The following GPT2 variants were observed in gnomAD, a reference collection of about 807,000 sequenced individuals.
GPT2 encodes alanine aminotransferase 2.
Under a neutral mutation model 56.9 loss-of-function variants are expected in GPT2, and 30 were observed. The ratio of observed to expected loss-of-function variants is 0.53; its 90% confidence interval spans 0.39 to 0.72. The LOEUF (loss-of-function observed/expected upper bound fraction) is 0.72, where lower values mean the gene tolerates loss of function less well. Among genes scored for constraint, GPT2 ranks in the 30% least tolerant of loss-of-function variants. The pLI, the probability that GPT2 is intolerant of heterozygous loss-of-function variation, is 0.00. For missense variants in GPT2, 542 were observed against 703.4 expected, an observed-to-expected ratio of 0.77 and a Z score of 2.60; for synonymous variants, 271 against 283.1, an observed-to-expected ratio of 0.96 and a Z score of 0.43.
At chr16:46,885,263 G>T (rs1300518113) in intron 2 of GPT2, 1 of 1,145,786 alleles carries the variant, frequency 8.7e-7, no homozygotes, top group South Asian at 4.2e-5. Flanking sequence ...CCAAGGTCCA[G>T]TGGAGAGAGG....
At chr16:46,914,505 C>A (rs1428868896) in intron 6 of GPT2, among the ~76,000 whole-genome samples, 18 of 152,140 alleles carry the variant, frequency 1.2e-4, no homozygotes, top group Non-Finnish European at 4.4e-5. Context: ...CCACTGCACT[C>A]CAGCCTGGGT....
intron 9 of GPT2, among the ~76,000 whole-genome samples, chr16:46,922,902 G>A: frequency 6.6e-6 from 1 of 152,114 alleles, no homozygotes; most frequent in East Asian, 1.9e-4. Flanking sequence ...ACTGGTCCAG[G>A]CTCACTTCTT....
intron 2 of GPT2, among the ~76,000 whole-genome samples, chr16:46,886,285 A>G (rs561216180): frequency 1.3e-5 from 2 of 152,198 alleles, no homozygotes; most frequent in Non-Finnish European, 2.9e-5. Flanking sequence ...CCTCCCTGCT[A>G]AAACACAGCT....
At position 46,922,302 on chromosome 16, in the gene GPT2, G is replaced by A; in HGVS notation, c.1098G>A (p.Gln366=). 6.2e-7 allele frequency: 1 copy of A among 1,614,232 alleles called. No homozygotes were observed. The highest frequency in any genetic ancestry group is 1.1e-5 in the South Asian group (1 of 91,086). Residue 366 remains glutamine (Q), a synonymous_variant, in exon 9 of 12, where the codon CAG becomes CAA. Coordinates refer to ENST00000340124, the MANE Select transcript of GPT2 (RefSeq NM_133443.4). ...ACCTGCACCCTGAGATCAAGGGCCAGCTGGTGAAGCTGCTGTCGGTGCGCC... is the reference window on the plus strand; with the variant it reads ...ACCTGCACCCTGAGATCAAGGGCCAACTGGTGAAGCTGCTGTCGGTGCGCC... ...VINLHPEIKG[Q]LVKLLSVRLC... is the part of the protein sequence containing the mutation.
chr16:46,898,830 G>A (rs1421293184), intron 3 of GPT2, among the ~76,000 whole-genome samples: 4 of 149,398 alleles, frequency 2.7e-5, no homozygotes, highest in South Asian at 2.1e-4. Flanking sequence ...GATTACAGGC[G>A]TGAGCCACCA....
rs1369398035 is a variant in GPT2, at chr16:46,884,635, G to T, written c.-22-59G>T. On this transcript the variant is annotated intron_variant, in intron 1 of 11. Coordinates refer to ENST00000340124, the MANE Select transcript of GPT2 (RefSeq NM_133443.4). ...AGCCCTTGGCTGGGCTTGTGTGGGG[G>T]AGTGCTGCACGCCTGGGCAGTGCGC... 7 of 1,317,722 alleles carry T rather than the reference G, an allele frequency of 5.3e-6. No homozygotes were observed. The East Asian group carries it at 2.0e-4, about 38-fold the overall frequency. 81.6% of individuals were successfully genotyped at this position (1,317,722 alleles called of 1,614,324 possible). A position where few individuals can be genotyped will look rare whatever the true frequency, so the allele number is the denominator to read the frequency against.
Position 46,928,414 on chromosome 16 carries a change from G to C in GPT2, c.1482-493G>C, listed in dbSNP as rs186635785. Reference sequence around the variant, plus strand: ...CCAAGGTGAGCAGATCATGAGGTCAGGAGTTCGAGACCAGCCTGGTCAACA... The same window carrying C: ...CCAAGGTGAGCAGATCATGAGGTCACGAGTTCGAGACCAGCCTGGTCAACA... On this transcript the variant is annotated intron_variant, in intron 11 of 11. Transcript: ENST00000340124. 1.2e-4 allele frequency among the ~76,000 whole-genome samples: 19 copies of C among 152,186 alleles called. No individual in the cohort carries two copies. In the East Asian group the frequency reaches 2.5e-3, roughly 20 times the overall value.
intron 4 of GPT2, among the ~76,000 whole-genome samples, chr16:46,905,669 T>C (rs1960910464): frequency 6.6e-6 from 1 of 152,196 alleles, no homozygotes; most frequent in Non-Finnish European, 1.5e-5. Flanking sequence ...TTCCATTTTA[T>C]TTTCAAAAAC....
chr16:46,917,222 T>G (rs1339407746), intron 7 of GPT2, among the ~76,000 whole-genome samples: 1 of 152,160 alleles, frequency 6.6e-6, no homozygotes, highest in East Asian at 1.9e-4. Flanking sequence ...GGTTCCAGTA[T>G]GCAGATTGGC....
At chr16:46,926,008 T>G (rs1035938659) in intron 10 of GPT2, among the ~76,000 whole-genome samples, 1 of 150,566 alleles carries the variant, frequency 6.6e-6, no homozygotes, top group Non-Finnish European at 1.5e-5. Flanking sequence ...GCCTGCAGTG[T>G]AATCCCAGCT....
At chr16:46,918,569 C>A in intron 7 of GPT2, 52 bp from the exon 8 acceptor site, 1 of 1,599,256 alleles carries the variant, frequency 6.3e-7, no homozygotes, top group Non-Finnish European at 8.5e-7. Context: ...CCACACTGGG[C>A]AGCAGCCTCT....
chr16:46,915,676 AACACACCTATAC>A (rs1437404865), intron 6 of GPT2: 4 of 143,600 alleles, frequency 2.8e-5, no homozygotes, highest in Non-Finnish European at 6.1e-5. Flanking sequence ...GACACACCTC[AACACACCTATAC>A]ACACACCACA....
At position 46,929,062 on chromosome 16, in the gene GPT2, C is replaced by A; in HGVS notation, c.*65C>A. The A allele has an allele frequency of 7.7e-7, 1 of 1,296,204 alleles. No individual in the cohort carries two copies. Among genetic ancestry groups the A allele is most frequent in the Non-Finnish European group, 1.1e-6 (1 of 893,380 alleles). 80.3% of individuals were successfully genotyped at this position (1,296,204 alleles called of 1,614,324 possible). ...TCCTCCCAATGCCCGTCAGGCTGAA[C>A]TCGCCTCCCCCGTGACTCTGCCTCG... On this transcript the variant is annotated 3_prime_UTR_variant, in exon 12 of 12. Transcript: ENST00000340124.
chr16:46,903,938 T>C lies in GPT2; in HGVS notation c.443-2904T>C, dbSNP rs150906947. On this transcript the variant is annotated intron_variant, in intron 4 of 11. Transcript: ENST00000340124. The stretch of plus-strand genomic sequence containing the variant: ...GGGGCTCTAATGGAGAGGAAGAGCT[T>C]AAGGGGAAACGTGGCATTCACGCTC... 2.6e-4 allele frequency among the ~76,000 whole-genome samples: 40 copies of C among 152,252 alleles called. 1 individual carries two copies. In the East Asian group the frequency reaches 7.1e-3, roughly 27 times the overall value.
chr16:46,897,808 G>A (rs1456165836), intron 3 of GPT2, 71 bp downstream of exon 3: 20 of 1,338,676 alleles, frequency 1.5e-5, no homozygotes, highest in Non-Finnish European at 1.9e-5. Context: ...CATAGGGGCC[G>A]TCCTCTGCCC....
chr16:46,900,732 A>C lies in GPT2; in HGVS notation c.384A>C (p.Pro128=). 6.2e-7 allele frequency: 1 copy of C among 1,614,090 alleles called. No individual in the cohort carries two copies. The highest frequency in any genetic ancestry group is 1.1e-5 in the South Asian group (1 of 91,080). The change falls in exon 4 of 12, where the codon CCA becomes CCC. Residue 128 remains proline, a synonymous_variant. Transcript: ENST00000340124. ...ACCTGCTGGACAGCCCCAGCTTCCC[A>C]GAAGATGCTAAGAAACGTGCCCGGC... ...YPNLLDSPSF[P]EDAKKRARRI...
chr16:46,896,554 G>T (rs1011479331), intron 2 of GPT2, among the ~76,000 whole-genome samples: 2 of 152,054 alleles, frequency 1.3e-5, no homozygotes, highest in Non-Finnish European at 2.9e-5. Flanking sequence ...CATGTCTTCC[G>T]ATGGGGAGGG....
chr16:46,909,388 C>T (rs569693413), intron 5 of GPT2, among the ~76,000 whole-genome samples: 1 of 152,190 alleles, frequency 6.6e-6, no homozygotes, highest in African/African-American at 2.4e-5. Context: ...TGGCCTCAAG[C>T]GATTTGGCTG....
chr16:46,908,258 C>T lies in GPT2; in HGVS notation c.576+1283C>T, dbSNP rs576069273. On this transcript the variant is annotated intron_variant, in intron 5 of 11. Transcript: ENST00000340124. ...GGGGGACTGGTGGAGCCTGCAGTCC[C>T]GGTGGGGGACTGGTGGAGCCTGCAG... Among the ~76,000 whole-genome samples the T allele has an allele frequency of 2.4e-4, 27 of 111,368 alleles. No homozygotes were observed. The South Asian group carries it at 7.9e-3, about 32-fold the overall frequency. 73.1% of individuals were successfully genotyped at this position (111,368 alleles called of 152,430 possible). A position where few individuals can be genotyped will look rare whatever the true frequency, so the allele number is the denominator to read the frequency against.
Sources: gnomAD v4.1 joint callset for allele counts (sites outside exome capture counted in the v4.1 genomes callset) on GRCh38, gnomAD v4.1.1 for gene constraint, MANE v1.5 for transcripts, NCBI Gene and HGNC (gene_info 2026-07-23, HGNC 2026-07-21) for gene names.